Variants in CAPZA2 observed in about 807,000 individuals in gnomAD.
CAPZA2 encodes capping actin protein of muscle Z-line subunit alpha 2.
Under a neutral mutation model 44.0 loss-of-function variants are expected in CAPZA2, and 13 were observed. That is an observed-to-expected ratio of 0.30 (90% CI 0.19 to 0.47). The LOEUF is 0.47. Ranked by LOEUF, CAPZA2 falls within the 20% of genes least tolerant of loss-of-function variation. The probability of loss-of-function intolerance (pLI) is 1.00; values close to 1 mark genes in which losing one functional copy is unlikely to be tolerated. For synonymous variants in CAPZA2, 94 were observed against 108.2 expected (o/e 0.87, Z 0.81); for missense variants, 244 against 338.6 (o/e 0.72, Z 2.19).
intron 1 of CAPZA2, among the ~76,000 whole-genome samples, chr7:116,880,365 A>G (rs867505999): frequency 2.4e-4 from 36 of 152,148 alleles, no homozygotes; most frequent in Non-Finnish European, 1.3e-4. Context: ...ATGATGGCTC[A>G]TTGTGAACTG....
chr7:116,864,045 G>A (rs73714193), intron 1 of CAPZA2, among the ~76,000 whole-genome samples: 114 of 152,258 alleles, frequency 7.5e-4, no homozygotes, highest in African/African-American at 2.3e-3. Flanking sequence ...CCAGTAGGCA[G>A]ATCCCCGTAT....
intron 2 of CAPZA2, among the ~76,000 whole-genome samples, chr7:116,890,581 TATATATATATATATATACACACACAC>T (rs1796830269): frequency 4.1e-5 from 1 of 24,296 alleles, no homozygotes; most frequent in African/African-American, 2.7e-4. Flanking sequence ...CATATATATA[TATATATATATATATATACACACACAC>T]ACACACATAT....
chr7:116,892,054 A>G (rs895884755), intron 2 of CAPZA2, among the ~76,000 whole-genome samples: 1 of 152,232 alleles, frequency 6.6e-6, no homozygotes, highest in Non-Finnish European at 1.5e-5. Flanking sequence ...CATAAATATG[A>G]TAATATACAT....
intron 1 of CAPZA2, among the ~76,000 whole-genome samples, chr7:116,863,753 A>G (rs1469360042): frequency 2.0e-5 from 3 of 151,980 alleles, no homozygotes; most frequent in Non-Finnish European, 4.4e-5. Flanking sequence ...TTAAATTTCA[A>G]AGCCAGTGCA....
chr7:116,892,638 A>C (rs1231061997), intron 2 of CAPZA2, among the ~76,000 whole-genome samples: 2 of 151,838 alleles, frequency 1.3e-5, no homozygotes, highest in African/African-American at 4.8e-5. Flanking sequence ...ATAGCTGATG[A>C]GCTTAAAAAA....
At chr7:116,916,775 C>G (rs1011240740) in intron 9 of CAPZA2, among the ~76,000 whole-genome samples, 1 of 152,202 alleles carries the variant, frequency 6.6e-6, no homozygotes, top group Non-Finnish European at 1.5e-5. Context: ...AGTCAAGCTT[C>G]CATAATCTGA....
rs1410507137 is a variant in CAPZA2 at position 116,921,923 on chromosome 7, A to G, written c.*4056A>G. The G allele has an allele frequency of 6.6e-6, 1 of 152,176 alleles. No individual in the cohort carries two copies. The highest frequency in any genetic ancestry group is 1.9e-4 in the East Asian group (1 of 5,190). 9.4% of individuals were successfully genotyped at this position (152,176 alleles called of 1,614,324 possible). ...GGCATGAGTGGTGCTTTTCCAGAGT[A>G]CACTTGGATATATGATTACATTTTA... is the stretch of plus-strand genomic sequence containing the variant. On this transcript the variant is annotated 3_prime_UTR_variant, in exon 10 of 10. Coordinates refer to ENST00000361183, the MANE Select transcript of CAPZA2 (RefSeq NM_006136.3).
intron 6 of CAPZA2, 95 bp from the exon 7 acceptor site, chr7:116,910,136 ACT>A: frequency 6.8e-6 from 5 of 737,924 alleles, no homozygotes; most frequent in South Asian, 1.5e-5. Context: ...CATCCCCCAC[ACT>A]CTCTCATACT....
At chr7:116,915,543 C>A (rs894981775) in intron 8 of CAPZA2, 3 of 151,420 alleles carry the variant, frequency 2.0e-5, no homozygotes, top group African/African-American at 7.3e-5. Context: ...TTTTTAAATC[C>A]AGATTCTGTT....
rs1791730631 is a variant in CAPZA2 at position 116,919,338 on chromosome 7, G to A, written c.*1471G>A. 6.6e-6 allele frequency: 1 copy of A among 152,160 alleles called. No homozygotes were observed. The highest frequency in any genetic ancestry group is 2.4e-5 in the African/African-American group (1 of 41,266). 9.4% of individuals were successfully genotyped at this position (152,160 alleles called of 1,614,324 possible). ...TGGGATTCCTAAAGAAAATGAATTG[G>A]TAACATTAATTATCTGTTCCTTTTT... On this transcript the variant is annotated 3_prime_UTR_variant, in exon 10 of 10. Transcript: ENST00000361183.
chr7:116,904,559 T>A (rs1232409039), intron 5 of CAPZA2, 176 bp downstream of exon 5: 2 of 566,666 alleles, frequency 3.5e-6, no homozygotes, highest in Non-Finnish European at 6.2e-6. Flanking sequence ...TAAATAGATA[T>A]ACTAGGATGG....
rs763062526 is a variant in CAPZA2, at chr7:116,912,181, C to A, written c.657+41C>A. ...CACAATAAAATTTAACCTAATACTT[C>A]TGTAAAACCAGAACAGTTTTGGAAT... is the stretch of plus-strand genomic sequence containing the variant. On this transcript the variant is annotated intron_variant, in intron 8 of 9. Coordinates refer to ENST00000361183, the MANE Select transcript of CAPZA2 (RefSeq NM_006136.3). The A allele has an allele frequency of 2.3e-5, 37 of 1,603,170 alleles. No individual in the cohort carries two copies. In the South Asian group the frequency reaches 3.7e-4, roughly 16 times the overall value.
At chr7:116,880,768 G>A (rs1796687503) in intron 1 of CAPZA2, among the ~76,000 whole-genome samples, 1 of 127,858 alleles carries the variant, frequency 7.8e-6, no homozygotes, top group Non-Finnish European at 1.6e-5. Flanking sequence ...AGGCTGGAGT[G>A]CAGTGGTGTG....
rs1383026143 is a variant in CAPZA2 at position 116,920,680 on chromosome 7, CAGT to C, written c.*2814_*2816del. On this transcript the variant is annotated 3_prime_UTR_variant, in exon 10 of 10. Transcript: ENST00000361183. The stretch of plus-strand genomic sequence containing the variant: ...TTCAAAGGAGAAATATCTCATGTAG[CAGT>C]TAGATACAGGAGACAGGAACTAGAG... The C allele has an allele frequency of 6.6e-6, 1 of 152,108 alleles. No homozygotes were observed. The highest frequency in any genetic ancestry group is 2.4e-5 in the African/African-American group (1 of 41,410). The allele number at this position is 152,108 out of a possible 1,614,324, so 9.4% of individuals were successfully genotyped here. A position where few individuals can be genotyped will look rare whatever the true frequency, so the allele number is the denominator to read the frequency against.
intron 1 of CAPZA2, among the ~76,000 whole-genome samples, chr7:116,882,279 C>A (rs777763459): frequency 2.0e-5 from 3 of 152,154 alleles, no homozygotes; most frequent in Non-Finnish European, 4.4e-5. Flanking sequence ...CTGTGGTGGT[C>A]ACCCAAGGTG....
At chr7:116,887,249 A>G (rs1346114052) in intron 1 of CAPZA2, among the ~76,000 whole-genome samples, 1 of 152,162 alleles carries the variant, frequency 6.6e-6, no homozygotes, top group Non-Finnish European at 1.5e-5. Context: ...ATTGTTGGCC[A>G]GGTGTACTGG....
At chr7:116,902,447 G>A (rs1324579454) in intron 4 of CAPZA2, among the ~76,000 whole-genome samples, 1 of 152,018 alleles carries the variant, frequency 6.6e-6, no homozygotes, top group Non-Finnish European at 1.5e-5. Flanking sequence ...CCACAAATGT[G>A]AAAAGCCATA....
rs1230438430 is a variant in CAPZA2, at chr7:116,918,236, C to G, written c.*369C>G. On this transcript the variant is annotated 3_prime_UTR_variant, in exon 10 of 10. Transcript: ENST00000361183. ...AAATCAGTAATTTTTGATATTTCCC[C>G]AGTTCTTTTTAATGGGGTCAATAAT... The G allele has an allele frequency of 2.8e-5, 5 of 178,992 alleles. No individual in the cohort carries two copies. Among genetic ancestry groups the G allele is most frequent in the African/African-American group, 1.2e-4 (5 of 42,318 alleles). 11.1% of individuals were successfully genotyped at this position (178,992 alleles called of 1,614,324 possible). A position where few individuals can be genotyped will look rare whatever the true frequency, so the allele number is the denominator to read the frequency against.
chr7:116,904,478 G>T, intron 5 of CAPZA2, 95 bp downstream of exon 5: 1 of 720,420 alleles, frequency 1.4e-6, no homozygotes, highest in Non-Finnish European at 2.4e-6. Flanking sequence ...AATTGACATT[G>T]TATAATTTGT....
Sources: gnomAD v4.1 joint callset for allele counts (sites outside exome capture counted in the v4.1 genomes callset) on GRCh38, gnomAD v4.1.1 for gene constraint, MANE v1.5 for transcripts, NCBI Gene and HGNC (gene_info 2026-07-23, HGNC 2026-07-21) for gene names.